Variants in PCM1 observed in about 807,000 individuals in gnomAD.
The protein encoded by PCM1 is pericentriolar material 1 protein.
In PCM1, 157 loss-of-function variants were observed where a neutral mutation model predicts 241.9. The observed-to-expected ratio is 0.65, with a 90% CI of 0.57 to 0.74. The LOEUF (loss-of-function observed/expected upper bound fraction) is 0.74, where lower values mean the gene tolerates loss of function less well. Among genes scored for constraint, PCM1 ranks in the 30% least tolerant of loss-of-function variants. PCM1 has a pLI of 0.00. For synonymous variants in PCM1, 1,085 were observed against 784.9 expected, an observed-to-expected ratio of 1.38 and a Z score of -6.39; for missense variants, 3,478 against 2,360.1, an observed-to-expected ratio of 1.47 and a Z score of -9.81.
At chr8:17,940,064 A>G in intron 6 of PCM1, 3 of 1,577,488 alleles carry the variant, frequency 1.9e-6, no homozygotes, top group Non-Finnish European at 1.7e-6. Context: ...GAGGAGGAGG[A>G]TGTTCGGACT....
intron 13 of PCM1, among the ~76,000 whole-genome samples, chr8:17,959,170 G>A (rs560877998): frequency 6.6e-6 from 1 of 151,980 alleles, no homozygotes; most frequent in African/African-American, 2.4e-5. Flanking sequence ...TTTACAAACT[G>A]TATATATAAT....
At position 17,995,490 on chromosome 8, in the gene PCM1, G is replaced by T. The variant is rs554299819; in HGVS notation, c.4827+1871G>T. 7.1e-4 allele frequency among the ~76,000 whole-genome samples: 108 copies of T among 151,388 alleles called. 2 individuals carry two copies. In the South Asian group the frequency reaches 0.022, roughly 31 times the overall value. On this transcript the variant is annotated intron_variant, in intron 29 of 38. Transcript: ENST00000325083. ...TATAGCTCTGTGGTATAATTTGAAG[G>T]CAGGTTAATGTGATTCTTCCAGTTT...
chr8:18,018,902 A>ATG (rs1564429110), intron 36 of PCM1, among the ~76,000 whole-genome samples: 5 of 127,144 alleles, frequency 3.9e-5, no homozygotes, highest in African/African-American at 1.5e-4. Flanking sequence ...ACATACACAT[A>ATG]TATATATATA....
chr8:17,955,090 C>G (rs1289036081), intron 9 of PCM1, among the ~76,000 whole-genome samples: 1 of 152,014 alleles, frequency 6.6e-6, no homozygotes, highest in Non-Finnish European at 1.5e-5. Flanking sequence ...TTTAACTTAA[C>G]CTAGAACCAA....
intron 13 of PCM1, among the ~76,000 whole-genome samples, chr8:17,958,727 T>C (rs2070036911): frequency 1.1e-5 from 1 of 94,882 alleles, no homozygotes; most frequent in African/African-American, 6.0e-5. Flanking sequence ...TATTTGTATT[T>C]ATTTATTTTT....
chr8:18,010,753 C>A, intron 32 of PCM1, 85 bp downstream of exon 32: 1 of 870,868 alleles, frequency 1.1e-6, no homozygotes, highest in Non-Finnish European at 1.8e-6. Flanking sequence ...GAGGCCAAGG[C>A]GGGTGGATCA....
In PCM1 at chr8:17,963,238, G is replaced by T. The variant is rs768667724; in HGVS notation, c.2601G>T (p.Leu867Phe). The change falls in exon 17 of 39, where the codon TTG becomes TTT. Residue 867 changes from leucine to phenylalanine, a missense_variant. Transcript: ENST00000325083. ...AETASPVAVS[L>F]RSDGSENLCT... ...CTGCATCTCCAGTGGCTGTGTCATTGAGAAGTGATGGATCTGAGAACCTAT... is the reference window on the plus strand; with the variant it reads ...CTGCATCTCCAGTGGCTGTGTCATTTAGAAGTGATGGATCTGAGAACCTAT... 6.2e-7 allele frequency: 1 copy of T among 1,613,594 alleles called. No homozygotes were observed. Among genetic ancestry groups the T allele is most frequent in the Non-Finnish European group, 8.5e-7 (1 of 1,179,750 alleles).
At chr8:17,997,887 G>T (rs2087511068) in intron 29 of PCM1, among the ~76,000 whole-genome samples, 1 of 149,788 alleles carries the variant, frequency 6.7e-6, no homozygotes, top group Admixed American at 6.7e-5. Context: ...AAAAAAAAAA[G>T]TAGCTGGACA....
At chr8:18,014,966 TTTCTAATTCACACTTTA>T in intron 36 of PCM1, 126 bp downstream of exon 36, 2 of 810,018 alleles carry the variant, frequency 2.5e-6, no homozygotes, top group Non-Finnish European at 3.7e-6. Flanking sequence ...TTGGAACATT[TTTCTAATTCACACTTTA>T]ACTTTAGCAG....
intron 23 of PCM1, among the ~76,000 whole-genome samples, chr8:17,975,866 T>G (rs548303238): frequency 3.9e-5 from 6 of 152,352 alleles, no homozygotes; most frequent in East Asian, 3.9e-4. Flanking sequence ...AATCGTATTT[T>G]AAACTTGAGT....
intron 9 of PCM1, among the ~76,000 whole-genome samples, chr8:17,954,729 G>A (rs1386199182): frequency 6.6e-6 from 1 of 152,182 alleles, no homozygotes; most frequent in African/African-American, 2.4e-5. Context: ...ATGGTAGGAG[G>A]TAGAGAAGTG....
At chr8:17,926,046 T>G (rs1243261913) in intron 2 of PCM1, 1 of 151,544 alleles carries the variant, frequency 6.6e-6, no homozygotes, top group Non-Finnish European at 1.5e-5. Flanking sequence ...GCAAGAAAAA[T>G]GGAACTCAAG....
intron 29 of PCM1, among the ~76,000 whole-genome samples, chr8:17,994,158 C>A (rs1298247644): frequency 6.6e-6 from 1 of 151,962 alleles, no homozygotes; most frequent in Non-Finnish European, 1.5e-5. Context: ...CTTTTTGTAC[C>A]CATTAACCAT....
At position 18,027,861 on chromosome 8, in the gene PCM1, TG is replaced by T; in HGVS notation, c.*200del. 5.0e-6 allele frequency: 2 copies of T among 399,888 alleles called. No individual in the cohort carries two copies. The highest frequency in any genetic ancestry group is 4.4e-6 in the Non-Finnish European group (1 of 226,144). The allele number at this position is 399,888 out of a possible 1,614,324, so 24.8% of individuals were successfully genotyped here. A position where few individuals can be genotyped will look rare whatever the true frequency, so the allele number is the denominator to read the frequency against. On this transcript the variant is annotated 3_prime_UTR_variant, in exon 39 of 39. Transcript: ENST00000325083. ...GACAGATTTAAGCCTTGACACACTG[TG>T]TTTTTTTTTTTTTCCCCCTTCTTTT...
chr8:18,014,039 A>T lies in PCM1; in HGVS notation c.5584+3A>T. Reference sequence around the variant, plus strand: ...GGAACGAGAAGCCACTAGTAAAAGTAAGAAATCTAAATAAGTCTTTGATTT... The same window carrying T: ...GGAACGAGAAGCCACTAGTAAAAGTTAGAAATCTAAATAAGTCTTTGATTT... On this transcript the variant is annotated splice_donor_region_variant and intron_variant, in intron 35 of 38. Transcript: ENST00000325083. The T allele has an allele frequency of 1.3e-6, 2 of 1,539,522 alleles. No homozygotes were observed. The highest frequency in any genetic ancestry group is 1.8e-6 in the Non-Finnish European group (2 of 1,123,286).
intron 29 of PCM1, among the ~76,000 whole-genome samples, chr8:18,002,053 A>ATTTT (rs777500160): frequency 2.0e-4 from 2 of 9,982 alleles, no homozygotes; most frequent in Non-Finnish European, 3.7e-4. Context: ...GATCTGTTAA[A>ATTTT]TTTTTTTTTT....
intron 15 of PCM1, among the ~76,000 whole-genome samples, chr8:17,961,560 C>G (rs2072138887): frequency 2.0e-5 from 3 of 152,136 alleles, no homozygotes; most frequent in African/African-American, 7.2e-5. Context: ...ATCCGCCCGC[C>G]TCGGCCTCCT....
At chr8:17,971,934 G>A (rs369911125) in intron 22 of PCM1, among the ~76,000 whole-genome samples, 2 of 152,058 alleles carry the variant, frequency 1.3e-5, no homozygotes, top group East Asian at 1.9e-4. Flanking sequence ...TTTTAGAGAC[G>A]GGGTCTCACC....
At chr8:17,963,695 A>G (rs556109927) in intron 17 of PCM1, among the ~76,000 whole-genome samples, 7 of 152,318 alleles carry the variant, frequency 4.6e-5, no homozygotes, top group African/African-American at 1.7e-4. Context: ...ACATTTTATT[A>G]TAATCATTTA....
Sources: allele counts gnomAD v4.1 joint callset (sites outside exome capture counted in the v4.1 genomes callset), GRCh38; gene constraint gnomAD v4.1.1; transcripts MANE v1.5; gene names NCBI Gene and HGNC (gene_info 2026-07-23, HGNC 2026-07-21).